AGBL1: variants seen among roughly 807,000 people sequenced by gnomAD.
AGBL1 encodes the protein AGBL carboxypeptidase 1, also known as cytosolic carboxypeptidase 4.
AGBL1 carries 130 observed loss-of-function variants against 118.9 expected under a neutral mutation model. The observed-to-expected ratio is 1.09, with a 90% CI of 0.95 to 1.26. AGBL1 has a LOEUF of 1.26. Ranked by LOEUF, AGBL1 falls within the 50% of genes most tolerant of loss-of-function variation. The probability of loss-of-function intolerance (pLI) is 0.00; values close to 1 mark genes in which losing one functional copy is unlikely to be tolerated. For missense variants in AGBL1, 1,584 were observed against 1,298.1 expected (o/e 1.22, Z -3.38); for synonymous variants, 555 against 478.9 (o/e 1.16, Z -2.08).
chr15:86,467,759 G>A (rs148065163), intron 18 of AGBL1, among the ~76,000 whole-genome samples: 1 of 152,260 alleles, frequency 6.6e-6, no homozygotes, highest in Non-Finnish European at 1.5e-5. Context: ...CCTGGGTGAG[G>A]CGATGCCCCA....
In AGBL1 at chr15:86,871,697, C is replaced by T. The variant is rs183529219; in HGVS notation, c.3159-35390C>T. The stretch of plus-strand genomic sequence containing the variant: ...GTTTTTATTCTGGTATTGCATACAC[C>T]GGGACTGTTGGGTCACCTCTACCTT... On this transcript the variant is annotated intron_variant, in intron 22 of 22. Transcript: ENST00000614907. Among the ~76,000 whole-genome samples the T allele has an allele frequency of 6.6e-5, 10 of 152,172 alleles. No individual in the cohort carries two copies. In the East Asian group the frequency reaches 1.2e-3, roughly 18 times the overall value.
chr15:86,297,960 TGTTAAA>T (rs540062021), intron 17 of AGBL1, among the ~76,000 whole-genome samples: 4 of 152,130 alleles, frequency 2.6e-5, no homozygotes, highest in Non-Finnish European at 5.9e-5. Context: ...CTAGCTGAGT[TGTTAAA>T]GCATTTATGC....
Position 86,980,885 on chromosome 15 carries a change from C to CTTTTTTT in AGBL1, c.3222-7089_3222-7083dup, listed in dbSNP as rs36077192. 1.6e-3 allele frequency among the ~76,000 whole-genome samples: 192 copies of CTTTTTTT among 118,994 alleles called. 7 individuals are homozygous for CTTTTTTT. The highest frequency in any genetic ancestry group is 4.0e-3 in the African/African-American group (120 of 29,990). The allele number at this position is 118,994 out of a possible 152,430, so 78.1% of individuals were successfully genotyped here. A position where few individuals can be genotyped will look rare whatever the true frequency, so the allele number is the denominator to read the frequency against. ...ATATAAATAGTGCTTCAGAAACATC[C>CTTTTTTT]TTTTTTTTTTTTTTTTTTTGAGACA... is the stretch of plus-strand genomic sequence containing the variant. On this transcript the variant is annotated intron_variant, in intron 23 of 24. Coordinates refer to the AGBL1 transcript ENST00000441037.
intron 22 of AGBL1, among the ~76,000 whole-genome samples, chr15:86,678,452 A>T (rs1271586506): frequency 6.6e-6 from 1 of 152,150 alleles, no homozygotes; most frequent in Non-Finnish European, 1.5e-5. Context: ...TAAATTTCCT[A>T]ATCACGTCTT....
chr15:86,873,978 C>T (rs2079767341), intron 22 of AGBL1, among the ~76,000 whole-genome samples: 1 of 152,224 alleles, frequency 6.6e-6, no homozygotes, highest in South Asian at 2.1e-4. Context: ...GCTCTATTAC[C>T]TATTAAGCCT....
chr15:86,727,006 T>C (rs1024185784), intron 22 of AGBL1, among the ~76,000 whole-genome samples: 2 of 152,146 alleles, frequency 1.3e-5, no homozygotes, highest in South Asian at 2.1e-4. Context: ...AAGAAGTCAG[T>C]GGGAGGAAAA....
At chr15:86,102,026 TTC>T (rs529158449) in intron 1 of AGBL1, among the ~76,000 whole-genome samples, 2 of 151,608 alleles carry the variant, frequency 1.3e-5, no homozygotes, top group South Asian at 2.1e-4. Context: ...TTTGAATCCT[TTC>T]TCTCTCTCTC....
chr15:86,182,041 G>A (rs1298649441), intron 5 of AGBL1, among the ~76,000 whole-genome samples: 3 of 151,948 alleles, frequency 2.0e-5, no homozygotes, highest in Non-Finnish European at 4.4e-5. Flanking sequence ...TGGAAAGGAA[G>A]TGAATAAAAT....
intron 17 of AGBL1, among the ~76,000 whole-genome samples, chr15:86,369,974 G>A (rs916066294): frequency 3.9e-5 from 6 of 151,986 alleles, no homozygotes; most frequent in African/African-American, 1.2e-4. Context: ...ACCATATTCC[G>A]GGTCACAGAA....
intron 17 of AGBL1, among the ~76,000 whole-genome samples, chr15:86,363,036 G>A (rs1231142388): frequency 6.6e-6 from 1 of 152,172 alleles, no homozygotes; most frequent in African/African-American, 2.4e-5. Context: ...AGTGAGGCTG[G>A]AGCTGAGTCT....
intron 3 of AGBL1, among the ~76,000 whole-genome samples, chr15:86,149,272 T>A (rs1214126787): frequency 3.3e-5 from 5 of 152,124 alleles, no homozygotes; most frequent in African/African-American, 1.2e-4. Flanking sequence ...AATTTACACA[T>A]AATAATGTTA....
In AGBL1 at chr15:86,571,654, T is replaced by A. The variant is rs139143999; in HGVS notation, c.2994+17117T>A. Among the ~76,000 whole-genome samples the A allele has an allele frequency of 1.1e-3, 171 of 152,270 alleles. 2 individuals carry two copies. Among genetic ancestry groups the A allele is most frequent in the East Asian group, 8.9e-3 (46 of 5,170 alleles). On this transcript the variant is annotated intron_variant, in intron 21 of 22. Transcript: ENST00000614907. ...AGCTGGTCATCCCTTCATCTCCCCC[T>A]TGTTTCCTATCCTCTCTGTCCTCTG...
intron 1 of AGBL1, among the ~76,000 whole-genome samples, chr15:86,135,467 A>T (rs1334806922): frequency 6.6e-6 from 1 of 152,228 alleles, no homozygotes; most frequent in East Asian, 1.9e-4. Context: ...CAGTTGCTAG[A>T]TTGACAGAAA....
intron 18 of AGBL1, among the ~76,000 whole-genome samples, chr15:86,477,998 T>C (rs1024990966): frequency 1.3e-5 from 2 of 152,102 alleles, no homozygotes; most frequent in Admixed American, 1.3e-4. Flanking sequence ...ATTATCTCAA[T>C]AGATGCAAAA....
chr15:86,529,367 GATGAAATGA>G (rs1333511013), intron 19 of AGBL1, among the ~76,000 whole-genome samples: 1 of 135,836 alleles, frequency 7.4e-6, no homozygotes, highest in East Asian at 2.0e-4. Flanking sequence ...AACGATGGAA[GATGAAATGA>G]ATGAAATGAA....
At chr15:86,695,587 A>G (rs1292686290) in intron 22 of AGBL1, among the ~76,000 whole-genome samples, 4 of 151,250 alleles carry the variant, frequency 2.6e-5, no homozygotes, top group East Asian at 3.9e-4. Flanking sequence ...TTTTGTTTCA[A>G]TTCATTTAGT....
chr15:86,464,069 A>G (rs751329247), intron 18 of AGBL1, among the ~76,000 whole-genome samples: 1 of 152,188 alleles, frequency 6.6e-6, no homozygotes, highest in Non-Finnish European at 1.5e-5. Context: ...CTTTCTATCC[A>G]TGAGCATGGA....
intron 5 of AGBL1, among the ~76,000 whole-genome samples, chr15:86,172,557 A>G (rs2077430560): frequency 6.6e-6 from 1 of 152,090 alleles, no homozygotes; most frequent in African/African-American, 2.4e-5. Context: ...TCCCCATGAG[A>G]TCAACTTTTT....
At chr15:86,323,561 T>C (rs1212257235) in intron 17 of AGBL1, among the ~76,000 whole-genome samples, 1 of 152,202 alleles carries the variant, frequency 6.6e-6, no homozygotes, top group Non-Finnish European at 1.5e-5. Flanking sequence ...TTAAGGGCAA[T>C]TTGACTAGAG....
Sources: gnomAD v4.1 joint callset for allele counts (sites outside exome capture counted in the v4.1 genomes callset) on GRCh38, gnomAD v4.1.1 for gene constraint, MANE v1.5 for transcripts, NCBI Gene and HGNC (gene_info 2026-07-23, HGNC 2026-07-21) for gene names.